Variants in RALYL observed in about 807,000 individuals in gnomAD.
The protein encoded by RALYL is RNA-binding Raly-like protein.
A neutral mutation model predicts 35.1 loss-of-function variants in RALYL; 29 were observed. The ratio of observed to expected loss-of-function variants is 0.83; its 90% confidence interval spans 0.61 to 1.13. The LOEUF (loss-of-function observed/expected upper bound fraction) is 1.13. RALYL is among the 50% of genes most tolerant of loss of function. The pLI, the probability that RALYL is intolerant of heterozygous loss-of-function variation, is 0.00. For missense variants in RALYL, 359 were observed against 360.4 expected (o/e 1.00, Z 0.03); for synonymous variants, 120 against 127.6 (o/e 0.94, Z 0.40).
At chr8:84,311,408 A>G (rs567507276) in intron 1 of RALYL, among the ~76,000 whole-genome samples, 2 of 152,266 alleles carry the variant, frequency 1.3e-5, no homozygotes, top group East Asian at 1.9e-4. Context: ...AATCTACTAT[A>G]AACAAAATAA....
chr8:84,537,759 TTAGA>T (rs1207102337), intron 2 of RALYL, among the ~76,000 whole-genome samples: 2 of 152,176 alleles, frequency 1.3e-5, no homozygotes, highest in African/African-American at 4.8e-5. Context: ...TTCAAGGAAG[TTAGA>T]TAGTAGATTT....
intron 1 of RALYL, among the ~76,000 whole-genome samples, chr8:84,425,448 C>T (rs963395346): frequency 6.6e-6 from 1 of 152,204 alleles, no homozygotes; most frequent in East Asian, 1.9e-4. Flanking sequence ...CGCCCACTGT[C>T]TGGCACTCCC....
At chr8:84,844,277 A>G (rs1433624068) in intron 4 of RALYL, among the ~76,000 whole-genome samples, 2 of 152,220 alleles carry the variant, frequency 1.3e-5, no homozygotes, top group Non-Finnish European at 2.9e-5. Flanking sequence ...TACAAGAAAA[A>G]AACAAACAAC....
chr8:84,688,714 A>T (rs1837358256), intron 2 of RALYL, among the ~76,000 whole-genome samples: 1 of 152,180 alleles, frequency 6.6e-6, no homozygotes, highest in Non-Finnish European at 1.5e-5. Context: ...CAAGAGTAAA[A>T]GTAGAAAAAT....
chr8:84,775,697 G>A (rs559796830), intron 3 of RALYL, among the ~76,000 whole-genome samples: 10 of 152,302 alleles, frequency 6.6e-5, no homozygotes, highest in Admixed American at 3.3e-4. Flanking sequence ...AAGAGATTTA[G>A]CACCTTTGTT....
In RALYL at chr8:84,888,138, T is replaced by C. The variant is rs561252088; in HGVS notation, c.858+362T>C. Among the ~76,000 whole-genome samples the C allele has an allele frequency of 2.9e-4, 44 of 152,338 alleles. No homozygotes were observed. The South Asian group carries it at 4.8e-3, about 16-fold the overall frequency. ...ATCCTGGTAACAAACTACAATATAC[T>C]GGAAGATACCTGGTTTACTAACTGA... On this transcript the variant is annotated intron_variant, in intron 8 of 8. Transcript: ENST00000521268.
At chr8:84,798,128 A>G (rs185795773) in intron 3 of RALYL, among the ~76,000 whole-genome samples, 2 of 152,270 alleles carry the variant, frequency 1.3e-5, no homozygotes, top group Admixed American at 1.3e-4. Flanking sequence ...CTTATGATTT[A>G]ATATACTAAT....
At chr8:84,370,701 C>G (rs545760904) in intron 1 of RALYL, among the ~76,000 whole-genome samples, 1 of 152,044 alleles carries the variant, frequency 6.6e-6, no homozygotes, top group African/African-American at 2.4e-5. Flanking sequence ...AGTAATTACA[C>G]AAACTACAGA....
At chr8:84,680,716 A>G (rs1450564953) in intron 2 of RALYL, among the ~76,000 whole-genome samples, 1 of 151,898 alleles carries the variant, frequency 6.6e-6, no homozygotes, top group African/African-American at 2.4e-5. Flanking sequence ...TTTCTTGTAA[A>G]TTTGTTGGAG....
chr8:84,439,061 G>A (rs969230120), intron 1 of RALYL, among the ~76,000 whole-genome samples: 4 of 151,696 alleles, frequency 2.6e-5, no homozygotes, highest in East Asian at 1.9e-4. Context: ...GATTGCTTTC[G>A]TCATTTGGGC....
intron 2 of RALYL, among the ~76,000 whole-genome samples, chr8:84,581,501 A>T (rs894230235): frequency 1.4e-4 from 21 of 152,196 alleles, no homozygotes; most frequent in African/African-American, 5.1e-4. Context: ...GACTACGTTA[A>T]CTGATACATG....
intron 1 of RALYL, among the ~76,000 whole-genome samples, chr8:84,376,768 G>A (rs975164533): frequency 6.6e-6 from 1 of 151,794 alleles, no homozygotes; most frequent in Non-Finnish European, 1.5e-5. Flanking sequence ...GTATTTTCCT[G>A]TCTTTCTGAT....
chr8:84,739,390 A>G (rs189191021), intron 2 of RALYL, among the ~76,000 whole-genome samples: 230 of 152,024 alleles, frequency 1.5e-3, no homozygotes, highest in African/African-American at 5.2e-3. Context: ...TCAAATAGAA[A>G]CATGTAAAAT....
intron 1 of RALYL, among the ~76,000 whole-genome samples, chr8:84,524,991 T>TTCTTTCGGG (rs1291389255): frequency 1.0e-5 from 1 of 100,440 alleles, no homozygotes; most frequent in Non-Finnish European, 2.3e-5. Context: ...GCAAGATCCC[T>TTCTTTCGGG]GTTAGCCTTT....
chr8:84,186,815 A>T (rs2130815880), intron 1 of RALYL, among the ~76,000 whole-genome samples: 1 of 152,158 alleles, frequency 6.6e-6, no homozygotes, highest in East Asian at 1.9e-4. Context: ...TTACATTCAA[A>T]TTTTTCAGAT....
At chr8:84,430,120 T>A (rs1448005931) in intron 1 of RALYL, among the ~76,000 whole-genome samples, 1 of 152,090 alleles carries the variant, frequency 6.6e-6, no homozygotes, top group Non-Finnish European at 1.5e-5. Flanking sequence ...AGTGTGTAAT[T>A]CCATGCTAAA....
intron 2 of RALYL, among the ~76,000 whole-genome samples, chr8:84,639,109 A>G (rs915205608): frequency 1.3e-5 from 2 of 151,038 alleles, no homozygotes; most frequent in African/African-American, 4.9e-5. Flanking sequence ...TAAACTGGGC[A>G]GAACTAGTCC....
chr8:84,503,763 C>T (rs914752079), intron 1 of RALYL, among the ~76,000 whole-genome samples: 11 of 150,098 alleles, frequency 7.3e-5, no homozygotes, highest in Non-Finnish European at 1.2e-4. Context: ...GCAGGAGAAT[C>T]GGCTTGATGA....
chr8:84,575,236 T>C (rs562124519), intron 2 of RALYL, among the ~76,000 whole-genome samples: 1 of 152,294 alleles, frequency 6.6e-6, no homozygotes, highest in South Asian at 2.1e-4. Flanking sequence ...GTGCCAATTA[T>C]TTGTTTATAA....
Sources: gnomAD v4.1 joint callset for allele counts (sites outside exome capture counted in the v4.1 genomes callset) on GRCh38, gnomAD v4.1.1 for gene constraint, MANE v1.5 for transcripts, NCBI Gene and HGNC (gene_info 2026-07-23, HGNC 2026-07-21) for gene names.